The following IGF2R variants were observed in gnomAD, a reference collection of about 807,000 sequenced individuals.
The protein encoded by IGF2R is cation-independent mannose-6-phosphate receptor.
IGF2R carries 91 observed loss-of-function variants against 270.6 expected under a neutral mutation model. That is an observed-to-expected ratio of 0.34 (90% CI 0.28 to 0.40). The LOEUF (loss-of-function observed/expected upper bound fraction) is 0.40, where lower values mean the gene tolerates loss of function less well. Ranked by LOEUF, IGF2R falls within the 10% of genes least tolerant of loss-of-function variation. The pLI, the probability that IGF2R is intolerant of heterozygous loss-of-function variation, is 1.00. For synonymous variants in IGF2R, 1,316 were observed against 1,258.9 expected, an observed-to-expected ratio of 1.05 and a Z score of -0.96; for missense variants, 2,805 against 3,188.3, an observed-to-expected ratio of 0.88 and a Z score of 2.90.
At chr6:160,100,974 TA>T (rs1248417144) in intron 45 of IGF2R, among the ~76,000 whole-genome samples, 2 of 151,696 alleles carry the variant, frequency 1.3e-5, no homozygotes, top group African/African-American at 4.8e-5. Context: ...GTATTTTTAG[TA>T]GAGATGGGGT....
At chr6:160,043,376 C>T (rs914083553) in intron 12 of IGF2R, 88 bp downstream of exon 12, 55 of 1,377,490 alleles carry the variant, frequency 4.0e-5, no homozygotes, top group Admixed American at 1.7e-4. Context: ...TGTGGTTCAT[C>T]TAAGCCTCCT....
At chr6:160,086,533 C>T (rs1779100698) in intron 41 of IGF2R, among the ~76,000 whole-genome samples, 2 of 152,252 alleles carry the variant, frequency 1.3e-5, no homozygotes, top group Non-Finnish European at 2.9e-5. Flanking sequence ...GTTTCACAGG[C>T]TGGGCCCCTG....
At chr6:160,046,975 G>A (rs1367323918) in intron 15 of IGF2R, among the ~76,000 whole-genome samples, 184 bp from the exon 16 acceptor site, 1 of 152,192 alleles carries the variant, frequency 6.6e-6, no homozygotes. Context: ...GCGGTGCCAA[G>A]AGGAGATTTG....
intron 2 of IGF2R, among the ~76,000 whole-genome samples, chr6:159,994,852 G>A (rs1784028719): frequency 6.6e-6 from 1 of 152,156 alleles, no homozygotes; most frequent in African/African-American, 2.4e-5. Context: ...AGACTGTTCT[G>A]TGGCCTAACA....
At chr6:160,087,425 G>A (rs931504444) in intron 41 of IGF2R, among the ~76,000 whole-genome samples, 2 of 152,204 alleles carry the variant, frequency 1.3e-5, no homozygotes, top group East Asian at 1.9e-4. Context: ...ACAGTGCCCT[G>A]TTCTGCAGGT....
intron 33 of IGF2R, 94 bp from the exon 34 acceptor site, chr6:160,073,119 T>C: frequency 6.6e-7 from 1 of 1,516,782 alleles, no homozygotes; most frequent in East Asian, 2.3e-5. Flanking sequence ...GTGTTGGCTA[T>C]GAAATTGATG....
chr6:160,045,603 T>G, intron 13 of IGF2R, 142 bp from the exon 14 acceptor site: 1 of 897,426 alleles, frequency 1.1e-6, no homozygotes, highest in Non-Finnish European at 1.8e-6. Flanking sequence ...ACAGTATTTG[T>G]AGGGCTGTTT....
chr6:160,069,931 G>A lies in IGF2R; in HGVS notation c.4316G>A (p.Arg1439Lys). ...GGCTCCAAGCCCGTGAACCTCGGCA[G>A]GGTAAGGGACGGACCTCAGTGGAGA... is the stretch of plus-strand genomic sequence containing the variant. ...LGGSKPVNLG[R>K]VRDGPQWRDG... The change falls in exon 31 of 48, where the codon AGG becomes AAG. Residue 1439 changes from arginine to lysine, a missense_variant. By Grantham distance (26) the Arg-to-Lys change is conservative (BLOSUM62 2). Transcript: ENST00000356956. 1 of 1,614,232 alleles carries A rather than the reference G, an allele frequency of 6.2e-7. No individual in the cohort carries two copies. Among genetic ancestry groups the A allele is most frequent in the Non-Finnish European group, 8.5e-7 (1 of 1,180,036 alleles).
rs756634162 is a variant in IGF2R, at chr6:160,050,523, C to T, written c.2565C>T (p.Thr855=). Residue 855 remains threonine (T), a synonymous_variant, in exon 19 of 48, where the codon ACC becomes ACT. Coordinates refer to ENST00000356956, the MANE Select transcript of IGF2R (RefSeq NM_000876.4). This position sits in a 1 kb window ranked among gnomAD's most constrained non-coding sequence, Gnocchi z 4.0. ...TCAGTAACTTGGGAATGGCAAAGAC[C>T]GGCCCGGTGGTTGAGGACAGCGGCA... ...VSISNLGMAK[T]GPVVEDSGSL... 3.4e-5 allele frequency: 55 copies of T among 1,613,990 alleles called. 1 individual carries two copies. The highest frequency in any genetic ancestry group is 1.0e-4 in the Admixed American group (6 of 60,012).
At chr6:160,054,718 G>C (rs559152802) in intron 19 of IGF2R, among the ~76,000 whole-genome samples, 2 of 152,100 alleles carry the variant, frequency 1.3e-5, no homozygotes, top group Non-Finnish European at 2.9e-5. Flanking sequence ...TGGGGCTTAG[G>C]ATTTTATTTT....
intron 45 of IGF2R, among the ~76,000 whole-genome samples, chr6:160,101,175 T>TA (rs1401697660): frequency 6.6e-6 from 1 of 152,166 alleles, no homozygotes; most frequent in Non-Finnish European, 1.5e-5. Context: ...AACTGAAAAA[T>TA]AGAAATACGT....
At chr6:159,996,105 G>A (rs904403329) in intron 2 of IGF2R, among the ~76,000 whole-genome samples, 1 of 151,938 alleles carries the variant, frequency 6.6e-6, no homozygotes, top group Admixed American at 6.6e-5. Flanking sequence ...CTTGGTTATA[G>A]TTGGCCTTTT....
rs925939151 is a variant in IGF2R, at chr6:160,088,548, A to C, written c.6320+401A>C. On this transcript the variant is annotated intron_variant, in intron 42 of 47. Transcript: ENST00000356956. Reference sequence around the variant, plus strand: ...CTGGGATGTGCTTGGATTATATTCAAGTTTTCCCGGCCACATTGCATCTGG... The same window carrying C: ...CTGGGATGTGCTTGGATTATATTCACGTTTTCCCGGCCACATTGCATCTGG... 1.3e-4 allele frequency among the ~76,000 whole-genome samples: 20 copies of C among 152,170 alleles called. 1 individual carries two copies. The highest frequency in any genetic ancestry group is 3.2e-3 in the Middle Eastern group (1 of 316).
At chr6:160,046,761 C>A in intron 15 of IGF2R, 116 bp downstream of exon 15, 1 of 1,075,568 alleles carries the variant, frequency 9.3e-7, no homozygotes, top group Non-Finnish European at 1.3e-6. Flanking sequence ...CATTTAAATA[C>A]TGATGAGACC....
Position 160,111,326 on chromosome 6 carries a change from C to T in IGF2R, c.*6242C>T, listed in dbSNP as rs996731520. 2.0e-5 allele frequency: 3 copies of T among 152,230 alleles called. No homozygotes were observed. Among genetic ancestry groups the T allele is most frequent in the African/African-American group, 7.3e-5 (3 of 41,368 alleles). 9.4% of individuals were successfully genotyped at this position (152,230 alleles called of 1,614,324 possible). On this transcript the variant is annotated 3_prime_UTR_variant, in exon 48 of 48. Transcript: ENST00000356956. ...GGCACCCTTGGCACAGCAAGACCAA[C>T]CCCCCACTTCCTCCTCCTCCTCCTC...
At chr6:159,988,222 A>C (rs551497118) in intron 1 of IGF2R, among the ~76,000 whole-genome samples, 23 of 152,192 alleles carry the variant, frequency 1.5e-4, no homozygotes, top group Non-Finnish European at 2.2e-4. Flanking sequence ...TTCTTTTAAG[A>C]AAAGCATAGC....
chr6:160,033,951 C>G (rs942321504), intron 9 of IGF2R, among the ~76,000 whole-genome samples: 37 of 152,180 alleles, frequency 2.4e-4, no homozygotes, highest in African/African-American at 8.7e-4. Context: ...GCAAAAACCC[C>G]AGAACTGGTC....
chr6:160,046,568 C>T lies in IGF2R; in HGVS notation c.1974C>T (p.Asp658=), dbSNP rs746684991. Residue 658 remains aspartate (D), a synonymous_variant, in exon 15 of 48, where the codon GAC becomes GAT. Coordinates refer to ENST00000356956, the MANE Select transcript of IGF2R (RefSeq NM_000876.4). ...ATAAAGTTGAGACAAAGAAGTATGA[C>T]TTTTATATAAATGTGTGTGGCCCGG... ...GAYKVETKKY[D]FYINVCGPVS... is the part of the protein sequence containing the mutation. 6.2e-7 allele frequency: 1 copy of T among 1,614,050 alleles called. No individual in the cohort carries two copies. The highest frequency in any genetic ancestry group is 8.5e-7 in the Non-Finnish European group (1 of 1,180,000).
intron 10 of IGF2R, among the ~76,000 whole-genome samples, chr6:160,038,610 T>C (rs1448236338): frequency 6.6e-6 from 1 of 152,192 alleles, no homozygotes; most frequent in East Asian, 1.9e-4. Flanking sequence ...AGGATTAAAC[T>C]GTGTGTAAAC....
Sources: allele counts gnomAD v4.1 joint callset (sites outside exome capture counted in the v4.1 genomes callset), GRCh38; gene constraint gnomAD v4.1.1; non-coding constraint Gnocchi (gnomAD v3.1); transcripts MANE v1.5; gene names NCBI Gene and HGNC (gene_info 2026-07-23, HGNC 2026-07-21).